Variants in PCDHGA10 observed in about 807,000 individuals in gnomAD.
PCDHGA10 encodes protocadherin gamma subfamily A, 10.
Under a neutral mutation model 59.5 loss-of-function variants are expected in PCDHGA10, and 42 were observed. That is an observed-to-expected ratio of 0.71 (90% CI 0.55 to 0.91). The LOEUF is 0.91. PCDHGA10 is among the 40% of genes least tolerant of loss of function. The pLI, the probability that PCDHGA10 is intolerant of heterozygous loss-of-function variation, is 0.00. For missense variants in PCDHGA10, 1,111 were observed against 1,198.2 expected (o/e 0.93, Z 1.07); for synonymous variants, 511 against 517.2 (o/e 0.99, Z 0.16).
chr5:141,509,157 C>T lies in PCDHGA10; in HGVS notation c.2585-1790C>T, dbSNP rs369133984. Among the ~76,000 whole-genome samples the T allele has an allele frequency of 2.6e-4, 40 of 152,314 alleles. No individual in the cohort carries two copies. In the South Asian group the frequency reaches 7.0e-3, roughly 27 times the overall value. On this transcript the variant is annotated intron_variant, in intron 3 of 3. Transcript: ENST00000398610. The stretch of plus-strand genomic sequence containing the variant: ...GAGGCGCATCCCGGCTCTCCCCTCC[C>T]GTGTGCCCTCCTCCTCTTATGCCGG...
At chr5:141,484,672 A>G (rs1253641119) in intron 1 of PCDHGA10, among the ~76,000 whole-genome samples, 1 of 151,990 alleles carries the variant, frequency 6.6e-6, no homozygotes, top group African/African-American at 2.4e-5. Flanking sequence ...AGTGGGCCGC[A>G]GGTTGCTAGG....
At position 141,431,636 on chromosome 5, in the gene PCDHGA10, A is replaced by C; in HGVS notation, c.2436+16025A>C. 1 of 1,614,254 alleles carries C rather than the reference A, an allele frequency of 6.2e-7. No individual in the cohort carries two copies. On this transcript the variant is annotated intron_variant, in intron 1 of 3. Transcript: ENST00000398610. This position sits in a 1 kb window ranked among gnomAD's most constrained non-coding sequence, Gnocchi z 4.8. ...GGACGACAAGGCGGCCCAAGTTTTC[A>C]AACTAGATTGTAATTCAGGGACAAT... is the stretch of plus-strand genomic sequence containing the variant.
intron 3 of PCDHGA10, 59 bp from the exon 4 acceptor site, chr5:141,510,888 A>C (rs2099883233): frequency 6.2e-7 from 1 of 1,612,646 alleles, no homozygotes. Flanking sequence ...GGGATATAAG[A>C]CAGTGACTGT....
Position 141,477,952 on chromosome 5 carries a change from A to T in PCDHGA10, c.2437-16855A>T, listed in dbSNP as rs907708638. ...CCTGGCTCTCCTACAGTCTCTTGGG[A>T]TCCCCTAACCAGAGCCTTTTTGCCA... On this transcript the variant is annotated intron_variant, in intron 1 of 3. Coordinates refer to ENST00000398610, the MANE Select transcript of PCDHGA10 (RefSeq NM_018913.3). This position sits in a 1 kb window ranked among gnomAD's most constrained non-coding sequence, Gnocchi z 4.9. The T allele has an allele frequency of 1.9e-6, 3 of 1,613,920 alleles. No individual in the cohort carries two copies. The African/African-American group carries it at 4.0e-5, about 22-fold the overall frequency.
Position 141,476,290 on chromosome 5 carries a change from C to G in PCDHGA10, c.2437-18517C>G, listed in dbSNP as rs768208156. The stretch of plus-strand genomic sequence containing the variant: ...TGGTCGCGAACCTTGGTTTGGATCT[C>G]GGTAGCCTCTCAGCCCGCAGGTTCC... On this transcript the variant is annotated intron_variant, in intron 1 of 3. Coordinates refer to ENST00000398610, the MANE Select transcript of PCDHGA10 (RefSeq NM_018913.3). The surrounding 1 kb of genome is among the most constrained non-coding windows in gnomAD (Gnocchi z 7.6). 1 of 1,614,050 alleles carries G rather than the reference C, an allele frequency of 6.2e-7. No homozygotes were observed. The highest frequency in any genetic ancestry group is 1.7e-5 in the Admixed American group (1 of 60,012).
chr5:141,501,453 C>T (rs567794395), intron 2 of PCDHGA10, among the ~76,000 whole-genome samples: 1 of 152,094 alleles, frequency 6.6e-6, no homozygotes, highest in Non-Finnish European at 1.5e-5. Flanking sequence ...TTTTACTTTT[C>T]ACTATTCCCC....
At position 141,414,639 on chromosome 5, in the gene PCDHGA10, T is replaced by A; in HGVS notation, c.1464T>A (p.Asn488Lys). The A allele has an allele frequency of 6.2e-7, 1 of 1,613,966 alleles. No individual in the cohort carries two copies. The highest frequency in any genetic ancestry group is 1.1e-5 in the South Asian group (1 of 91,090). ...VTALDPDSKE[N>K]AQIIYSLAED... ...CGCTGGACCCGGACAGCAAAGAGAA[T>A]GCCCAGATTATTTACTCCCTGGCTG... Residue 488 changes from asparagine to lysine, a missense_variant, in exon 1 of 4, where the codon AAT becomes AAA. Coordinates refer to ENST00000398610, the MANE Select transcript of PCDHGA10 (RefSeq NM_018913.3).
intron 1 of PCDHGA10, among the ~76,000 whole-genome samples, chr5:141,482,530 CAAAA>C (rs3074545): frequency 9.1e-5 from 7 of 76,540 alleles, no homozygotes; most frequent in South Asian, 4.6e-4. Flanking sequence ...GACAGACATG[CAAAA>C]AAAAAAAAAA....
intron 1 of PCDHGA10, among the ~76,000 whole-genome samples, chr5:141,437,156 G>A (rs2097864365): frequency 6.6e-6 from 1 of 152,172 alleles, no homozygotes. Flanking sequence ...TAACATATGT[G>A]TTGATTGTTT....
rs1203060261 is a variant in PCDHGA10, at chr5:141,493,037, AG to A, written c.2437-1768del. 3.3e-5 allele frequency among the ~76,000 whole-genome samples: 5 copies of A among 152,252 alleles called. No individual in the cohort carries two copies. The highest frequency in any genetic ancestry group is 2.6e-4 in the Admixed American group (4 of 15,290). ...AGATGCCAGGGTGCCCTTATGTGTG[AG>A]GAAACTACAATAGTAAAAAACACAA... is the stretch of plus-strand genomic sequence containing the variant. On this transcript the variant is annotated intron_variant, in intron 1 of 3. Transcript: ENST00000398610. This position sits in a 1 kb window ranked among gnomAD's most constrained non-coding sequence, Gnocchi z 4.3.
intron 3 of PCDHGA10, among the ~76,000 whole-genome samples, chr5:141,509,044 C>G (rs1385744160): frequency 1.3e-5 from 2 of 152,130 alleles, no homozygotes. Flanking sequence ...CCCTCTCCCC[C>G]GCCCCCAGAA....
chr5:141,422,211 CTT>C (rs1339862278), intron 1 of PCDHGA10: 1 of 1,563,166 alleles, frequency 6.4e-7, no homozygotes, highest in African/African-American at 1.4e-5. Context: ...GTGGAGGTCT[CTT>C]TACCACCACG....
chr5:141,502,866 CTTTT>C (rs549047197), intron 2 of PCDHGA10, among the ~76,000 whole-genome samples: 1 of 128,042 alleles, frequency 7.8e-6, no homozygotes. Context: ...GACTCTCTGT[CTTTT>C]TTTTTTTTTT....
chr5:141,472,533 C>A (rs1200612581), intron 1 of PCDHGA10, among the ~76,000 whole-genome samples: 3 of 150,970 alleles, frequency 2.0e-5, no homozygotes, highest in African/African-American at 7.3e-5. Flanking sequence ...GAGTGAGACA[C>A]CATCTCAAGA....
At position 141,413,315 on chromosome 5, in the gene PCDHGA10, C is replaced by G. The variant is rs747758921; in HGVS notation, c.140C>G (p.Ser47Cys). ...YSIPEELEKG[S>C]FVGNISKDLG... The stretch of plus-strand genomic sequence containing the variant: ...ATTCCTGAGGAATTAGAGAAAGGCT[C>G]TTTCGTGGGCAACATCTCCAAGGAC... The change falls in exon 1 of 4, where the codon TCT (serine) becomes TGT (cysteine). Residue 47 changes from serine to cysteine, a missense_variant. Physicochemically the swap from Ser to Cys is moderately radical, Grantham distance 112. Transcript: ENST00000398610. 6 of 1,613,976 alleles carry G rather than the reference C, an allele frequency of 3.7e-6. No individual in the cohort carries two copies. The South Asian group carries it at 5.5e-5, about 15-fold the overall frequency.
intron 1 of PCDHGA10, chr5:141,433,358 CCTAT>C (rs3074541): frequency 0.23 from 113,181 of 502,952 alleles, 11,570 homozygotes; most frequent in Non-Finnish European, 0.24. Flanking sequence ...CTACTGTCTG[CCTAT>C]CTATCTATCT....
rs2095871921 is a variant in PCDHGA10, at chr5:141,415,458, C to G, written c.2283C>G (p.Val761=). The G allele has an allele frequency of 4.3e-6, 7 of 1,614,204 alleles. No individual in the cohort carries two copies. The highest frequency in any genetic ancestry group is 5.1e-6 in the Non-Finnish European group (6 of 1,180,044). ...RAFLQTYSHE[V]SLTADSRKSH... ...TCCTGCAGACCTATTCCCACGAGGT[C>G]TCTCTCACCGCGGACTCGCGAAAGA... The change falls in exon 1 of 4, where the codon GTC becomes GTG. Residue 761 remains valine, a synonymous_variant. Transcript: ENST00000398610.
chr5:141,460,833 T>G (rs541553903), intron 1 of PCDHGA10, among the ~76,000 whole-genome samples: 2 of 151,928 alleles, frequency 1.3e-5, no homozygotes, highest in African/African-American at 4.8e-5. Flanking sequence ...ACACTTAAAG[T>G]AATGGCCTCC....
rs373882091 is a variant in PCDHGA10 at position 141,432,369 on chromosome 5, A to T, written c.2436+16758A>T. 1.2e-6 allele frequency: 2 copies of T among 1,614,104 alleles called. No homozygotes were observed. Among genetic ancestry groups the T allele is most frequent in the African/African-American group, 2.7e-5 (2 of 74,938 alleles). On this transcript the variant is annotated intron_variant, in intron 1 of 3. Transcript: ENST00000398610. The surrounding 1 kb of genome is among the most constrained non-coding windows in gnomAD (Gnocchi z 6.0). Reference sequence around the variant, plus strand: ...CAAGTGAAAGTGATGGCGCGGGACAACGGGCACCCGCCCCTCAGCAGCAAC... The same window carrying T: ...CAAGTGAAAGTGATGGCGCGGGACATCGGGCACCCGCCCCTCAGCAGCAAC...
Sources: allele counts gnomAD v4.1 joint callset (sites outside exome capture counted in the v4.1 genomes callset), GRCh38; gene constraint gnomAD v4.1.1; non-coding constraint Gnocchi (gnomAD v3.1); transcripts MANE v1.5; gene names NCBI Gene and HGNC (gene_info 2026-07-23, HGNC 2026-07-21).